GHR: variants seen among roughly 807,000 people sequenced by gnomAD.
GHR encodes growth hormone receptor, also known as GH receptor.
A neutral mutation model predicts 67.1 loss-of-function variants in GHR; 35 were observed. That is an observed-to-expected ratio of 0.52 (90% CI 0.40 to 0.69). The LOEUF is 0.69. Among genes scored for constraint, GHR ranks in the 30% least tolerant of loss-of-function variants. The probability of loss-of-function intolerance (pLI) is 0.00; values close to 1 mark genes in which losing one functional copy is unlikely to be tolerated. For synonymous variants in GHR, 272 were observed against 269.1 expected (o/e 1.01, Z -0.10); for missense variants, 792 against 764.6 (o/e 1.04, Z -0.42).
chr5:42,591,824 G>T (rs959963764), intron 2 of GHR, among the ~76,000 whole-genome samples: 1 of 152,132 alleles, frequency 6.6e-6, no homozygotes, highest in African/African-American at 2.4e-5. Context: ...GAAAGAAACA[G>T]ATAAACTAAT....
chr5:42,650,368 G>T (rs7701605), intron 3 of GHR, among the ~76,000 whole-genome samples: 102,745 of 151,782 alleles, frequency 0.68, 36,343 homozygotes, highest in East Asian at 0.96. Context: ...TCTAGATAAA[G>T]AATTTATTTG....
intron 3 of GHR, among the ~76,000 whole-genome samples, chr5:42,678,725 C>T (rs1015571085): frequency 4.6e-5 from 7 of 151,868 alleles, no homozygotes; most frequent in African/African-American, 1.2e-4. Context: ...CAACTTTCAT[C>T]GAGGCAAGAT....
rs1237515725 is a variant in GHR at position 42,688,912 on chromosome 5, C to G, written c.159C>G (p.Phe53Leu). The change falls in exon 4 of 10, where the codon TTC becomes TTG. Residue 53 changes from phenylalanine (F) to leucine (L), a missense_variant. By Grantham distance (22) the Phe-to-Leu change is conservative. Transcript: ENST00000230882. ...CAGATTCTTCTAAGGAGCCTAAATT[C>G]ACCAAGTGCCGTTCACCTGAGCGAG... ...LKTNSSKEPK[F>L]TKCRSPERET... 1 of 1,613,696 alleles carries G rather than the reference C, an allele frequency of 6.2e-7. No homozygotes were observed. Among genetic ancestry groups the G allele is most frequent in the Non-Finnish European group, 8.5e-7 (1 of 1,179,732 alleles).
In GHR at chr5:42,617,393, CA is replaced by C. The variant is rs1753210431; in HGVS notation, c.71-11644del. Among the ~76,000 whole-genome samples the C allele has an allele frequency of 4.3e-5, 6 of 139,028 alleles. 1 individual carries two copies. The highest frequency in any genetic ancestry group is 9.5e-5 in the Non-Finnish European group (6 of 63,192). The allele number at this position is 139,028 out of a possible 152,430, so 91.2% of individuals were successfully genotyped here. On this transcript the variant is annotated intron_variant, in intron 2 of 9. Coordinates refer to ENST00000230882, the MANE Select transcript of GHR (RefSeq NM_000163.5). ...TGCTAGGAAGTTCATTTTACACACA[CA>C]CACACACACACACACACACACACAC...
At chr5:42,574,088 T>C (rs1377809599) in intron 2 of GHR, among the ~76,000 whole-genome samples, 1 of 152,176 alleles carries the variant, frequency 6.6e-6, no homozygotes, top group East Asian at 1.9e-4. Flanking sequence ...TATAATTTCT[T>C]CTCCTCTACA....
rs756554863 is a variant in GHR at position 42,718,520 on chromosome 5, G to C, written c.1013G>C (p.Ser338Thr). 6.8e-6 allele frequency: 11 copies of C among 1,613,052 alleles called. No individual in the cohort carries two copies. Among genetic ancestry groups the C allele is most frequent in the Middle Eastern group, 1.6e-4 (1 of 6,084 alleles). Residue 338 changes from serine to threonine, a missense_variant, in exon 10 of 10, where the codon AGT becomes ACT. Transcript: ENST00000230882. ...GATAGCTATAAACCCGAATTCCACA[G>C]TGATGACTCTTGGGTTGAATTTATT... is the stretch of plus-strand genomic sequence containing the variant. ...IHDSYKPEFH[S>T]DDSWVEFIEL...
At chr5:42,495,867 A>C (rs1746302006) in intron 1 of GHR, among the ~76,000 whole-genome samples, 1 of 152,180 alleles carries the variant, frequency 6.6e-6, no homozygotes, top group African/African-American at 2.4e-5. Context: ...GCCATCATGA[A>C]AAACTTTCCT....
At chr5:42,459,928 A>G (rs1316170560) in intron 1 of GHR, among the ~76,000 whole-genome samples, 1 of 152,188 alleles carries the variant, frequency 6.6e-6, no homozygotes, top group Non-Finnish European at 1.5e-5. Flanking sequence ...GCCACGTGTC[A>G]TGGACTCAAT....
At chr5:42,543,515 T>C (rs374694934) in intron 1 of GHR, among the ~76,000 whole-genome samples, 1 of 152,296 alleles carries the variant, frequency 6.6e-6, no homozygotes. Flanking sequence ...AAATTCTGAA[T>C]TGATGTTTTT....
At chr5:42,542,257 G>C (rs185100625) in intron 1 of GHR, among the ~76,000 whole-genome samples, 63 of 152,286 alleles carry the variant, frequency 4.1e-4, no homozygotes, top group Non-Finnish European at 7.6e-4. Context: ...CAGTGTGTCA[G>C]AGAAGTGGGG....
chr5:42,617,083 C>A (rs572071467), intron 2 of GHR, among the ~76,000 whole-genome samples: 3 of 151,918 alleles, frequency 2.0e-5, no homozygotes, highest in African/African-American at 7.2e-5. Context: ...CCCTAAGAAG[C>A]CAAAAATAGA....
At chr5:42,706,564 G>A (rs111948197) in intron 6 of GHR, among the ~76,000 whole-genome samples, 1,982 of 152,124 alleles carry the variant, frequency 0.013, 50 homozygotes, top group African/African-American at 0.045. Context: ...GTTGATAGTC[G>A]TACATGTTGA....
At chr5:42,512,476 C>A (rs1747057945) in intron 1 of GHR, among the ~76,000 whole-genome samples, 1 of 152,112 alleles carries the variant, frequency 6.6e-6, no homozygotes, top group African/African-American at 2.4e-5. Flanking sequence ...CAACCAGATT[C>A]GTCTTCTCAC....
rs914518736 is a variant in GHR at position 42,636,395 on chromosome 5, A to G, written c.136+7292A>G. On this transcript the variant is annotated intron_variant, in intron 3 of 9. Transcript: ENST00000230882. ...CATTCTTTCACCCTGGGTGACCCCA[A>G]TGGGTGGTGAACACTTTTTAGTAAC... is the stretch of plus-strand genomic sequence containing the variant. Among the ~76,000 whole-genome samples the G allele has an allele frequency of 9.9e-5, 15 of 152,174 alleles. 1 individual carries two copies. Among genetic ancestry groups the G allele is most frequent in the African/African-American group, 3.6e-4 (15 of 41,424 alleles).
chr5:42,686,541 C>T (rs895710007), intron 3 of GHR, among the ~76,000 whole-genome samples: 3 of 152,240 alleles, frequency 2.0e-5, no homozygotes, highest in Admixed American at 6.5e-5. Flanking sequence ...AATCAATAAA[C>T]GTAATCCATC....
At chr5:42,673,587 A>G (rs933742801) in intron 3 of GHR, among the ~76,000 whole-genome samples, 1 of 152,236 alleles carries the variant, frequency 6.6e-6, no homozygotes, top group South Asian at 2.1e-4. Context: ...GATACTACAC[A>G]GCAATAAAAA....
chr5:42,474,362 A>C (rs1745199832), intron 1 of GHR, among the ~76,000 whole-genome samples: 1 of 136,006 alleles, frequency 7.4e-6, no homozygotes. Flanking sequence ...AAGAAAGCAA[A>C]GTGTCTGTCT....
At chr5:42,627,729 G>A (rs1057419898) in intron 2 of GHR, among the ~76,000 whole-genome samples, 15 of 152,208 alleles carry the variant, frequency 9.9e-5, no homozygotes, top group Admixed American at 2.6e-4. Flanking sequence ...CCGAGGTAGT[G>A]TCTAGGGGTG....
intron 1 of GHR, among the ~76,000 whole-genome samples, chr5:42,507,644 A>G (rs1746833796): frequency 6.6e-6 from 1 of 152,236 alleles, no homozygotes; most frequent in Non-Finnish European, 1.5e-5. Flanking sequence ...GTAGCTAGCA[A>G]GGAATGCTGA....
Sources: allele counts gnomAD v4.1 joint callset (sites outside exome capture counted in the v4.1 genomes callset), GRCh38; gene constraint gnomAD v4.1.1; transcripts MANE v1.5; gene names NCBI Gene and HGNC (gene_info 2026-07-23, HGNC 2026-07-21).